NEDD4L: variants seen among roughly 807,000 people sequenced by gnomAD.
NEDD4L encodes the protein NEDD4 like E3 ubiquitin protein ligase, also known as E3 ubiquitin-protein ligase NEDD4-like.
Under a neutral mutation model 148.9 loss-of-function variants are expected in NEDD4L, and 54 were observed. The observed-to-expected ratio is 0.36, with a 90% CI of 0.29 to 0.45. The LOEUF is 0.45. Among genes scored for constraint, NEDD4L ranks in the 20% least tolerant of loss-of-function variants. NEDD4L has a pLI of 1.00. For missense variants in NEDD4L, 856 were observed against 1,233.8 expected (o/e 0.69, Z 4.59); for synonymous variants, 433 against 440.7 (o/e 0.98, Z 0.22).
chr18:58,149,403 C>A, intron 1 of NEDD4L: 1 of 1,492,446 alleles, frequency 6.7e-7, no homozygotes. Context: ...TCTCCTGTGA[C>A]CTTGTCACCC....
intron 1 of NEDD4L, chr18:58,045,360 C>G (rs761023085): frequency 8.8e-5 from 34 of 387,464 alleles, no homozygotes; most frequent in Non-Finnish European, 1.4e-4. Flanking sequence ...AGGAAGCTTG[C>G]AGCCCTGCCA....
At position 58,301,010 on chromosome 18, in the gene NEDD4L, C is replaced by T. The variant is rs955673817; in HGVS notation, c.298-14972C>T. Among the ~76,000 whole-genome samples, 65 of 152,090 alleles carry T rather than the reference C, an allele frequency of 4.3e-4. 1 individual carries two copies. The highest frequency in any genetic ancestry group is 7.2e-5 in the African/African-American group (3 of 41,392). Reference sequence around the variant, plus strand: ...CATGTATAAAGAATCTTTGAATCGCCGAGTCTTAGCCCCACGTTTTATACA... The same window carrying T: ...CATGTATAAAGAATCTTTGAATCGCTGAGTCTTAGCCCCACGTTTTATACA... On this transcript the variant is annotated intron_variant, in intron 5 of 30. Coordinates refer to ENST00000400345, the MANE Select transcript of NEDD4L (RefSeq NM_001144967.3).
At chr18:58,283,433 A>G (rs980495508) in intron 5 of NEDD4L, among the ~76,000 whole-genome samples, 2 of 152,136 alleles carry the variant, frequency 1.3e-5, no homozygotes, top group African/African-American at 4.8e-5. Context: ...TGCCGCTCAT[A>G]TTTTACTGGC....
At chr18:58,229,454 A>G (rs2148087226) in intron 2 of NEDD4L, among the ~76,000 whole-genome samples, 1 of 152,276 alleles carries the variant, frequency 6.6e-6, no homozygotes, top group Admixed American at 6.5e-5. Context: ...TTGTCCCCTA[A>G]TAACCTAGCT....
intron 2 of NEDD4L, among the ~76,000 whole-genome samples, chr18:58,186,994 G>A (rs1170481071): frequency 5.3e-5 from 8 of 152,228 alleles, no homozygotes; most frequent in African/African-American, 1.7e-4. Context: ...TCTTGTTCAT[G>A]CTCTCAGGCA....
chr18:58,109,565 T>TA (rs2085286051), intron 1 of NEDD4L, among the ~76,000 whole-genome samples: 1 of 145,462 alleles, frequency 6.9e-6, no homozygotes, highest in Admixed American at 6.8e-5. Context: ...TAGGAGGTTT[T>TA]TTTTTTGTTT....
chr18:58,370,819 C>T (rs371375201), intron 23 of NEDD4L, among the ~76,000 whole-genome samples: 83 of 152,260 alleles, frequency 5.5e-4, no homozygotes, highest in African/African-American at 1.9e-3. Flanking sequence ...GAGCTTCATC[C>T]GCTCTCCCTC....
chr18:58,264,408 T>G (rs2049921704), intron 5 of NEDD4L, among the ~76,000 whole-genome samples: 1 of 152,076 alleles, frequency 6.6e-6, no homozygotes, highest in African/African-American at 2.4e-5. Flanking sequence ...TTCACAGATT[T>G]GCAGAGCTGT....
At chr18:58,239,813 C>G (rs1446259483) in intron 2 of NEDD4L, among the ~76,000 whole-genome samples, 1 of 152,246 alleles carries the variant, frequency 6.6e-6, no homozygotes, top group Non-Finnish European at 1.5e-5. Flanking sequence ...AGATTTCCAT[C>G]TCTGAATTCT....
At chr18:58,222,664 G>A (rs1046290041) in intron 2 of NEDD4L, among the ~76,000 whole-genome samples, 9 of 152,136 alleles carry the variant, frequency 5.9e-5, no homozygotes, top group African/African-American at 1.9e-4. Flanking sequence ...CCACACCTTC[G>A]TATTAATGAG....
chr18:58,053,309 AT>A (rs202214770), intron 1 of NEDD4L, among the ~76,000 whole-genome samples: 19,748 of 147,660 alleles, frequency 0.13, 1,764 homozygotes, highest in East Asian at 0.37. Context: ...TGTGTTAACA[AT>A]TTTTTTTTTT....
At chr18:58,264,643 G>T (rs2049956072) in intron 5 of NEDD4L, among the ~76,000 whole-genome samples, 1 of 151,988 alleles carries the variant, frequency 6.6e-6, no homozygotes, top group South Asian at 2.1e-4. Flanking sequence ...ATCTGTCACT[G>T]CAGACATTTG....
At chr18:58,180,486 A>G (rs580471) in intron 2 of NEDD4L, among the ~76,000 whole-genome samples, 19,274 of 152,028 alleles carry the variant, frequency 0.13, 2,686 homozygotes, top group African/African-American at 0.34. Flanking sequence ...AGCTGAGGAC[A>G]GCTCCCTACC....
At chr18:58,155,631 A>G (rs1460575023) in intron 1 of NEDD4L, among the ~76,000 whole-genome samples, 1 of 152,242 alleles carries the variant, frequency 6.6e-6, no homozygotes, top group Non-Finnish European at 1.5e-5. Flanking sequence ...GATTATGGCC[A>G]AGATGAGGCC....
Position 58,248,951 on chromosome 18 carries a change from T to G in NEDD4L, c.243+14T>G. The stretch of plus-strand genomic sequence containing the variant: ...TTTTATTTCAGGGTAAGTTTTTCAT[T>G]GTTTGGTAATAATTGTTATTGATAC... On this transcript the variant is annotated intron_variant, in intron 4 of 30. Transcript: ENST00000400345. The G allele has an allele frequency of 7.1e-7, 1 of 1,401,324 alleles. No individual in the cohort carries two copies. The highest frequency in any genetic ancestry group is 9.9e-7 in the Non-Finnish European group (1 of 1,013,196). 86.8% of individuals were successfully genotyped at this position (1,401,324 alleles called of 1,614,324 possible).
chr18:58,390,638 G>C lies in NEDD4L; in HGVS notation c.2656-8G>C. The C allele has an allele frequency of 1.3e-6, 2 of 1,571,762 alleles. No homozygotes were observed. Among genetic ancestry groups the C allele is most frequent in the Non-Finnish European group, 8.7e-7 (1 of 1,155,252 alleles). ...GGGGGTATAATGACCTTCTGCCTCT[G>C]TTCATAGGCTGTGCTACTCATGGAC... On this transcript the variant is annotated splice_region_variant and splice_polypyrimidine_tract_variant and intron_variant, in intron 28 of 30. Transcript: ENST00000400345.
chr18:58,285,938 G>A (rs1464880085), intron 5 of NEDD4L, among the ~76,000 whole-genome samples: 1 of 152,148 alleles, frequency 6.6e-6, no homozygotes, highest in African/African-American at 2.4e-5. Context: ...ATGTTCTAAG[G>A]TACAGTTTGC....
At chr18:58,239,493 C>T (rs1359688420) in intron 2 of NEDD4L, among the ~76,000 whole-genome samples, 2 of 152,142 alleles carry the variant, frequency 1.3e-5, no homozygotes, top group Non-Finnish European at 2.9e-5. Flanking sequence ...CAACTCCTGC[C>T]CTCCCCTCTC....
chr18:58,141,522 G>A (rs1034753198), intron 1 of NEDD4L, among the ~76,000 whole-genome samples: 18 of 151,944 alleles, frequency 1.2e-4, no homozygotes, highest in Non-Finnish European at 2.1e-4. Flanking sequence ...ATGTGTTGAT[G>A]GTTTACTCTG....
Sources: gnomAD v4.1 joint callset for allele counts (sites outside exome capture counted in the v4.1 genomes callset) on GRCh38, gnomAD v4.1.1 for gene constraint, MANE v1.5 for transcripts, NCBI Gene and HGNC (gene_info 2026-07-23, HGNC 2026-07-21) for gene names.